PGAP1: variants seen among roughly 807,000 people sequenced by gnomAD.
The protein encoded by PGAP1 is GPI inositol-deacylase.
PGAP1 carries 76 observed loss-of-function variants against 127.0 expected under a neutral mutation model. The observed-to-expected ratio is 0.60, with a 90% CI of 0.50 to 0.72. The LOEUF (loss-of-function observed/expected upper bound fraction) is 0.72, where lower values mean the gene tolerates loss of function less well. Ranked by LOEUF, PGAP1 falls within the 30% of genes least tolerant of loss-of-function variation. The pLI is 0.00. For missense variants in PGAP1, 982 were observed against 1,071.3 expected (o/e 0.92, Z 1.16); for synonymous variants, 362 against 366.5 (o/e 0.99, Z 0.14).
intron 14 of PGAP1, among the ~76,000 whole-genome samples, chr2:196,874,882 G>GT (rs1701516797): frequency 6.6e-6 from 1 of 152,224 alleles, no homozygotes. Context: ...TGAGCATGGT[G>GT]TCACATGCCT....
At chr2:196,894,233 A>G (rs1197538119) in intron 7 of PGAP1, among the ~76,000 whole-genome samples, 1 of 152,188 alleles carries the variant, frequency 6.6e-6, no homozygotes, top group South Asian at 2.1e-4. Context: ...AACTTCAAAC[A>G]TATCAAGTGT....
chr2:196,897,274 TG>T (rs1702313179), intron 6 of PGAP1, 77 bp from the exon 7 acceptor site: 3 of 845,284 alleles, frequency 3.5e-6, no homozygotes, highest in African/African-American at 3.6e-5. Flanking sequence ...ACAATTCTAT[TG>T]TTTAGTGGAA....
At chr2:196,855,027 G>C (rs1177878847) in intron 20 of PGAP1, among the ~76,000 whole-genome samples, 1 of 150,276 alleles carries the variant, frequency 6.7e-6, no homozygotes, top group African/African-American at 2.4e-5. Flanking sequence ...GACCTCAAAA[G>C]TCATCTTCAT....
At chr2:196,849,261 ATTT>A (rs747641877) in intron 20 of PGAP1, among the ~76,000 whole-genome samples, 48 of 135,986 alleles carry the variant, frequency 3.5e-4, no homozygotes, top group South Asian at 1.6e-3. Flanking sequence ...TGTCAGAATA[ATTT>A]TTTTTTTTTT....
At chr2:196,911,895 G>A (rs1576193647) in intron 4 of PGAP1, among the ~76,000 whole-genome samples, 1 of 152,050 alleles carries the variant, frequency 6.6e-6, no homozygotes, top group East Asian at 1.9e-4. Flanking sequence ...ATTATCTACG[G>A]TTTTATTTCC....
intron 8 of PGAP1, 115 bp from the exon 9 acceptor site, chr2:196,892,516 T>C (rs1702134256): frequency 3.8e-6 from 2 of 522,624 alleles, no homozygotes; most frequent in African/African-American, 3.9e-5. Context: ...AGTGGTTTTC[T>C]GAACACTGGC....
At chr2:196,874,666 T>C (rs1431165757) in intron 14 of PGAP1, among the ~76,000 whole-genome samples, 1 of 152,122 alleles carries the variant, frequency 6.6e-6, no homozygotes, top group Non-Finnish European at 1.5e-5. Context: ...TAGTAGGAAA[T>C]CCTCATTGCT....
At chr2:196,844,404 A>G in intron 24 of PGAP1, 120 bp downstream of exon 24, 2 of 629,238 alleles carry the variant, frequency 3.2e-6, no homozygotes, top group Non-Finnish European at 5.2e-6. Flanking sequence ...CACTTTACTT[A>G]AATTCATAAT....
intron 25 of PGAP1, among the ~76,000 whole-genome samples, chr2:196,843,236 C>G (rs1231975193): frequency 6.6e-6 from 1 of 152,176 alleles, no homozygotes; most frequent in Non-Finnish European, 1.5e-5. Context: ...CTTGCATTTA[C>G]TGACAGTAAA....
At chr2:196,896,489 T>A (rs1266113975) in intron 7 of PGAP1, among the ~76,000 whole-genome samples, 1 of 152,036 alleles carries the variant, frequency 6.6e-6, no homozygotes, top group Non-Finnish European at 1.5e-5. Context: ...GATCATGATG[T>A]TTACAATGTA....
intron 1 of PGAP1, among the ~76,000 whole-genome samples, chr2:196,924,796 T>C (rs1428360782): frequency 3.3e-5 from 5 of 152,226 alleles, no homozygotes; most frequent in Non-Finnish European, 7.3e-5. Flanking sequence ...GAAATGCGTC[T>C]GTGAGATCCA....
intron 4 of PGAP1, among the ~76,000 whole-genome samples, chr2:196,911,917 A>G (rs1433957460): frequency 6.6e-6 from 1 of 152,214 alleles, no homozygotes; most frequent in East Asian, 1.9e-4. Context: ...ATGTTAATGT[A>G]CTTCAATTAA....
intron 18 of PGAP1, among the ~76,000 whole-genome samples, chr2:196,871,532 G>C (rs1313722578): frequency 6.6e-6 from 1 of 152,092 alleles, no homozygotes; most frequent in African/African-American, 2.4e-5. Context: ...ACAATTTTTT[G>C]TATTGCTTTA....
chr2:196,856,072 G>A (rs915337650), intron 20 of PGAP1, among the ~76,000 whole-genome samples: 7 of 152,070 alleles, frequency 4.6e-5, no homozygotes, highest in South Asian at 4.1e-4. Flanking sequence ...GGAGTGCAGC[G>A]GCATGATCTC....
intron 5 of PGAP1, among the ~76,000 whole-genome samples, chr2:196,902,105 G>A (rs1295591504): frequency 2.0e-5 from 3 of 152,158 alleles, no homozygotes; most frequent in East Asian, 3.9e-4. Context: ...CTATAACCTC[G>A]AACTCCTGGA....
intron 12 of PGAP1, among the ~76,000 whole-genome samples, chr2:196,884,102 C>T (rs1701818920): frequency 6.6e-6 from 1 of 151,980 alleles, no homozygotes; most frequent in East Asian, 1.9e-4. Context: ...TTAAGAAATA[C>T]CTTTTAAAAC....
Position 196,926,622 on chromosome 2 carries a change from C to T in PGAP1, c.-6G>A, listed in dbSNP as rs756533203. 150 of 1,613,250 alleles carry T rather than the reference C, an allele frequency of 9.3e-5. 1 individual carries two copies. The Admixed American group carries it at 2.4e-3, about 25-fold the overall frequency. On this transcript the variant is annotated 5_prime_UTR_variant, in exon 1 of 27. Coordinates refer to ENST00000354764, the MANE Select transcript of PGAP1 (RefSeq NM_024989.4). Reference sequence around the variant, plus strand: ...TTAACTGAGTGAAGAAACATGGTGCCGCCACCACCGCCGCCGCCGCCGCCG... The same window carrying T: ...TTAACTGAGTGAAGAAACATGGTGCTGCCACCACCGCCGCCGCCGCCGCCG...
chr2:196,842,736 A>G lies in PGAP1; in HGVS notation c.2615T>C (p.Val872Ala). 6.4e-7 allele frequency: 1 copy of G among 1,550,858 alleles called. No homozygotes were observed. The highest frequency in any genetic ancestry group is 2.3e-5 in the East Asian group (1 of 43,452). ...ACTACTGTACCTTGATTTTATTGAA[A>G]CAGTGTAAGTATTTCCAAGAATTGC... Reference protein sequence around the residue: ...TMAILGNTYTVSIKSSKLLKT... With the variant: ...TMAILGNTYTASIKSSKLLKT... Residue 872 changes from valine to alanine, a missense_variant, in exon 26 of 27, where the codon GTT (valine) becomes GCT (alanine). Coordinates refer to ENST00000354764, the MANE Select transcript of PGAP1 (RefSeq NM_024989.4).
chr2:196,915,824 G>T (rs1702987464), intron 3 of PGAP1, among the ~76,000 whole-genome samples: 1 of 152,114 alleles, frequency 6.6e-6, no homozygotes, highest in African/African-American at 2.4e-5. Context: ...CCCTTTCTTT[G>T]CCTCACTCTC....
Sources: allele counts gnomAD v4.1 joint callset (sites outside exome capture counted in the v4.1 genomes callset), GRCh38; gene constraint gnomAD v4.1.1; transcripts MANE v1.5; gene names NCBI Gene and HGNC (gene_info 2026-07-23, HGNC 2026-07-21).